PMM2: variants seen among roughly 807,000 people sequenced by gnomAD.
The protein encoded by PMM2 is mannose-6-phosphate isomerase.
Under a neutral mutation model 33.2 loss-of-function variants are expected in PMM2, and 35 were observed. The observed-to-expected ratio is 1.06, with a 90% CI of 0.81 to 1.40. The LOEUF (loss-of-function observed/expected upper bound fraction) is 1.40. Among genes scored for constraint, PMM2 ranks in the 40% most tolerant of loss-of-function variants. PMM2 has a pLI of 0.00. For missense variants in PMM2, 386 were observed against 306.0 expected, an observed-to-expected ratio of 1.26 and a Z score of -1.95; for synonymous variants, 153 against 114.7, an observed-to-expected ratio of 1.33 and a Z score of -2.13.
intron 3 of PMM2, among the ~76,000 whole-genome samples, chr16:8,805,860 G>T (rs1248664097): frequency 6.6e-6 from 1 of 152,176 alleles, no homozygotes; most frequent in African/African-American, 2.4e-5. Context: ...AAAATGCTGG[G>T]ATTACAGGTG....
At chr16:8,820,582 A>C (rs1394898333) in intron 7 of PMM2, among the ~76,000 whole-genome samples, 1 of 151,962 alleles carries the variant, frequency 6.6e-6, no homozygotes, top group Non-Finnish European at 1.5e-5. Context: ...TTGAACTCCT[A>C]ACCTCAAGTG....
At chr16:8,827,944 A>T (rs1195121586) in intron 7 of PMM2, among the ~76,000 whole-genome samples, 1 of 113,728 alleles carries the variant, frequency 8.8e-6, no homozygotes, top group African/African-American at 3.5e-5. Flanking sequence ...TATATTTATA[A>T]ATATATATAT....
At chr16:8,799,466 A>G (rs1357552820) in intron 1 of PMM2, among the ~76,000 whole-genome samples, 1 of 151,782 alleles carries the variant, frequency 6.6e-6, no homozygotes, top group African/African-American at 2.4e-5. Context: ...GCCATTTCCT[A>G]TCTGTGCTAA....
intron 7 of PMM2, among the ~76,000 whole-genome samples, chr16:8,829,616 C>G (rs1412169937): frequency 6.6e-6 from 1 of 152,216 alleles, no homozygotes; most frequent in African/African-American, 2.4e-5. Context: ...TTGATCCACT[C>G]CACTCAAGGT....
Position 8,811,700 on chromosome 16 carries a change from C to A in PMM2, c.510C>A (p.Leu170=). 1 of 1,609,260 alleles carries A rather than the reference C, an allele frequency of 6.2e-7. No individual in the cohort carries two copies. Among genetic ancestry groups the A allele is most frequent in the Non-Finnish European group, 8.5e-7 (1 of 1,175,528 alleles). ...GGAAAGAGTTTGCTGGAAAAGGCCT[C>A]ACGTTTTCCATAGGTATTGTATATA... The part of the protein sequence containing the change: ...DLRKEFAGKG[L]TFSIGGQISF... The change falls in exon 6 of 8, where the codon CTC becomes CTA. Residue 170 remains leucine, a synonymous_variant. Coordinates refer to ENST00000268261, the MANE Select transcript of PMM2 (RefSeq NM_000303.3).
intron 7 of PMM2, among the ~76,000 whole-genome samples, chr16:8,822,260 C>T (rs181641214): frequency 6.6e-6 from 1 of 152,264 alleles, no homozygotes; most frequent in African/African-American, 2.4e-5. Flanking sequence ...AGCCAGATTA[C>T]CTGTCTGTGT....
At chr16:8,825,105 A>G (rs1414351387) in intron 7 of PMM2, among the ~76,000 whole-genome samples, 1 of 152,176 alleles carries the variant, frequency 6.6e-6, no homozygotes, top group Non-Finnish European at 1.5e-5. Context: ...ATCTCAGCTC[A>G]CTGCAAGCTC....
At chr16:8,847,313 C>T (rs2060932776) in intron 7 of PMM2, among the ~76,000 whole-genome samples, 1 of 151,754 alleles carries the variant, frequency 6.6e-6, no homozygotes, top group South Asian at 2.1e-4. Context: ...CCTGGCAGCC[C>T]TGCTCCCGGC....
intron 7 of PMM2, among the ~76,000 whole-genome samples, chr16:8,844,760 A>G (rs552451099): frequency 8.5e-5 from 13 of 152,378 alleles, no homozygotes; most frequent in African/African-American, 2.9e-4. Context: ...TGTCTCTACC[A>G]GAAAATGAAA....
intron 6 of PMM2, 140 bp from the exon 7 acceptor site, chr16:8,812,851 G>A (rs1470630527): frequency 1.4e-5 from 10 of 700,762 alleles, no homozygotes; most frequent in African/African-American, 7.1e-5. Flanking sequence ...GCATGAAGTA[G>A]TCTAAGTAGC....
intron 7 of PMM2, among the ~76,000 whole-genome samples, chr16:8,815,088 T>C (rs1040757824): frequency 6.6e-6 from 1 of 152,208 alleles, no homozygotes; most frequent in Non-Finnish European, 1.5e-5. Context: ...CATGCAGTAT[T>C]CATCCTTCTG....
At chr16:8,843,389 T>G (rs1276612908) in intron 7 of PMM2, among the ~76,000 whole-genome samples, 2 of 152,154 alleles carry the variant, frequency 1.3e-5, no homozygotes, top group African/African-American at 2.4e-5. Context: ...TCAGAGAGCC[T>G]TGGGCCAGAG....
intron 7 of PMM2, among the ~76,000 whole-genome samples, chr16:8,847,020 T>C (rs901082554): frequency 6.6e-6 from 1 of 152,122 alleles, no homozygotes; most frequent in African/African-American, 2.4e-5. Context: ...TGCGCCACCA[T>C]GCCCAGCTAA....
At chr16:8,827,814 A>G (rs2141034320) in intron 7 of PMM2, among the ~76,000 whole-genome samples, 1 of 106,076 alleles carries the variant, frequency 9.4e-6, no homozygotes, top group South Asian at 3.0e-4. Context: ...TTATATATTT[A>G]TATAATATAT....
At chr16:8,813,268 C>T (rs906306408) in intron 7 of PMM2, among the ~76,000 whole-genome samples, 162 bp downstream of exon 7, 11 of 152,146 alleles carry the variant, frequency 7.2e-5, no homozygotes, top group African/African-American at 2.7e-4. Flanking sequence ...AGCCACCTTC[C>T]CCTCTAAGCT....
intron 7 of PMM2, among the ~76,000 whole-genome samples, chr16:8,829,541 C>G (rs1158482222): frequency 6.6e-6 from 1 of 152,230 alleles, no homozygotes; most frequent in Non-Finnish European, 1.5e-5. Context: ...AAACTAGTCA[C>G]TATGCTCAGT....
chr16:8,839,667 A>T (rs1321631199), intron 7 of PMM2, among the ~76,000 whole-genome samples: 1 of 152,000 alleles, frequency 6.6e-6, no homozygotes, highest in African/African-American at 2.4e-5. Flanking sequence ...GTCAGTATTG[A>T]TAGCGGGCTT....
At chr16:8,832,525 G>C (rs992665869) in intron 7 of PMM2, 29 of 985,284 alleles carry the variant, frequency 2.9e-5, no homozygotes, top group Middle Eastern at 5.2e-4. Context: ...ACATCTGCAG[G>C]GAAGGGCAGG....
intron 7 of PMM2, among the ~76,000 whole-genome samples, chr16:8,835,892 G>A (rs542613981): frequency 3.3e-5 from 5 of 151,982 alleles, no homozygotes; most frequent in Admixed American, 1.3e-4. Context: ...ACAAGAGGAG[G>A]ACACAAAGGA....
Sources: allele counts gnomAD v4.1 joint callset (sites outside exome capture counted in the v4.1 genomes callset), GRCh38; gene constraint gnomAD v4.1.1; transcripts MANE v1.5; gene names NCBI Gene and HGNC (gene_info 2026-07-23, HGNC 2026-07-21).